The following SNX6 variants were observed in gnomAD, a reference collection of about 807,000 sequenced individuals.
The protein encoded by SNX6 is sorting nexin 6.
In SNX6, 34 loss-of-function variants were observed where a neutral mutation model predicts 63.0. The observed-to-expected ratio is 0.54, with a 90% CI of 0.41 to 0.72. The LOEUF is 0.72. Ranked by LOEUF, SNX6 falls within the 30% of genes least tolerant of loss-of-function variation. The pLI, the probability that SNX6 is intolerant of heterozygous loss-of-function variation, is 0.00. For missense variants in SNX6, 398 were observed against 471.4 expected (o/e 0.84, Z 1.44); for synonymous variants, 170 against 164.2 (o/e 1.04, Z -0.27).
Position 34,583,856 on chromosome 14 carries a change from T to TG in SNX6, c.795-2257_795-2256insC, listed in dbSNP as rs1882043673. ...TAACTCTTTGGGAAGGTGGCTTTTT[T>TG]TTTTTTTTAAGACGGAGTTTCTCTC... On this transcript the variant is annotated intron_variant, in intron 9 of 13. Coordinates refer to ENST00000362031, the MANE Select transcript of SNX6 (RefSeq NM_152233.4). Among the ~76,000 whole-genome samples, 3 of 151,418 alleles carry TG rather than the reference T, an allele frequency of 2.0e-5. No individual in the cohort carries two copies. In the South Asian group the frequency reaches 6.3e-4, roughly 32 times the overall value.
intron 2 of SNX6, among the ~76,000 whole-genome samples, chr14:34,616,549 G>A (rs1423158518): frequency 6.6e-6 from 1 of 151,928 alleles, no homozygotes; most frequent in Non-Finnish European, 1.5e-5. Flanking sequence ...TTTGAGATGG[G>A]ATCTCACCAT....
chr14:34,599,026 C>G (rs140536285), intron 6 of SNX6, among the ~76,000 whole-genome samples: 121 of 152,234 alleles, frequency 7.9e-4, no homozygotes, highest in African/African-American at 2.7e-3. Context: ...TGTGAGGACA[C>G]AACAAAAAGG....
chr14:34,626,598 G>C (rs1255250541), intron 2 of SNX6, among the ~76,000 whole-genome samples: 3 of 150,980 alleles, frequency 2.0e-5, no homozygotes, highest in Non-Finnish European at 4.4e-5. Flanking sequence ...GAACCCAGGA[G>C]GCAGAGCTTG....
intron 6 of SNX6, among the ~76,000 whole-genome samples, chr14:34,600,546 G>A (rs76536290): frequency 0.12 from 17,957 of 151,874 alleles, 1,996 homozygotes; most frequent in East Asian, 0.54. Context: ...CCAAAGTACT[G>A]GGATTAAAGG....
intron 10 of SNX6, 22 bp downstream of exon 10, chr14:34,581,539 A>C: frequency 1.5e-6 from 2 of 1,318,680 alleles, no homozygotes; most frequent in South Asian, 2.5e-5. Context: ...TATGCAGTAT[A>C]TCTCTATAAT....
In SNX6 at chr14:34,586,285, T is replaced by C; in HGVS notation, c.739A>G (p.Arg247Gly). The C allele has an allele frequency of 6.2e-7, 1 of 1,607,478 alleles. No individual in the cohort carries two copies. The highest frequency in any genetic ancestry group is 8.5e-7 in the Non-Finnish European group (1 of 1,174,284). ...AAAGCATATAATGAAGAACCAATTC[T>C]ATTGTAATCATCTGCAGCACCTATG... is the stretch of plus-strand genomic sequence containing the variant. Reference protein sequence around the residue: ...SHKSAADDYNRIGSSLYALGT... With the variant: ...SHKSAADDYNGIGSSLYALGT... Residue 247 changes from arginine (R) to glycine (G), a missense_variant, in exon 9 of 14, where the codon AGA becomes GGA. By Grantham distance (125) the Arg-to-Gly change is moderately radical (BLOSUM62 -2). Transcript: ENST00000362031.
intron 6 of SNX6, among the ~76,000 whole-genome samples, chr14:34,601,663 T>C (rs2138339597): frequency 6.6e-6 from 1 of 152,008 alleles, no homozygotes; most frequent in East Asian, 2.0e-4. Flanking sequence ...GGCACCATCT[T>C]GGCTCTCTGC....
chr14:34,574,119 C>T (rs1221550437), intron 11 of SNX6, among the ~76,000 whole-genome samples: 3 of 150,854 alleles, frequency 2.0e-5, no homozygotes, highest in Non-Finnish European at 3.0e-5. Flanking sequence ...GGGGGGATCA[C>T]GGGGTCAGGA....
chr14:34,574,777 C>A (rs531463477), intron 11 of SNX6, among the ~76,000 whole-genome samples: 1 of 151,698 alleles, frequency 6.6e-6, no homozygotes, highest in Non-Finnish European at 1.5e-5. Flanking sequence ...AGGCTGGTCT[C>A]GAACTCCCAA....
intron 10 of SNX6, among the ~76,000 whole-genome samples, chr14:34,580,723 G>A (rs907458167): frequency 6.7e-6 from 1 of 149,514 alleles, no homozygotes; most frequent in Admixed American, 6.7e-5. Flanking sequence ...GCAGATGCAC[G>A]GTCACAGCTC....
chr14:34,563,281 G>T (rs949348287), intron 13 of SNX6, 106 bp from the exon 14 acceptor site: 1 of 1,100,150 alleles, frequency 9.1e-7, no homozygotes, highest in Non-Finnish European at 1.3e-6. Flanking sequence ...GTTAGAAGCC[G>T]GGCGCGGTGG....
chr14:34,570,396 C>A (rs533291160), intron 11 of SNX6, among the ~76,000 whole-genome samples: 8 of 148,908 alleles, frequency 5.4e-5, no homozygotes, highest in Admixed American at 4.1e-4. Flanking sequence ...TAAATGAAGG[C>A]CACCTTGTGG....
At chr14:34,594,839 G>A (rs1468661699) in intron 7 of SNX6, among the ~76,000 whole-genome samples, 2 of 152,082 alleles carry the variant, frequency 1.3e-5, no homozygotes, top group Non-Finnish European at 2.9e-5. Flanking sequence ...GCTCACACCT[G>A]TAATCCCAGC....
intron 2 of SNX6, among the ~76,000 whole-genome samples, chr14:34,611,657 C>CT (rs1363919303): frequency 2.7e-5 from 4 of 147,686 alleles, no homozygotes; most frequent in Non-Finnish European, 4.4e-5. Flanking sequence ...TGGCGCACAC[C>CT]TGTAGTCCCA....
At chr14:34,567,356 A>G (rs1176341826) in intron 13 of SNX6, among the ~76,000 whole-genome samples, 1 of 152,076 alleles carries the variant, frequency 6.6e-6, no homozygotes, top group Non-Finnish European at 1.5e-5. Flanking sequence ...GTGTGGTGGC[A>G]CATACCTGTA....
At chr14:34,618,961 G>A (rs1594749443) in intron 2 of SNX6, among the ~76,000 whole-genome samples, 1 of 152,120 alleles carries the variant, frequency 6.6e-6, no homozygotes, top group East Asian at 1.9e-4. Context: ...GAAGACATGG[G>A]TTTTTGTCTG....
rs1276218309 is a variant in SNX6 at position 34,562,145 on chromosome 14, A to G, written c.*977T>C. The G allele has an allele frequency of 6.7e-6, 1 of 149,608 alleles. No homozygotes were observed. The highest frequency in any genetic ancestry group is 1.5e-5 in the Non-Finnish European group (1 of 67,564). 9.3% of individuals were successfully genotyped at this position (149,608 alleles called of 1,614,324 possible). ...TCTACATACCAATCTATCCACTCGC[A>G]TAACTACTAAGTGGCTCAATGGCCT... On this transcript the variant is annotated 3_prime_UTR_variant, in exon 14 of 14. Transcript: ENST00000362031.
At chr14:34,623,635 T>C (rs1385807073) in intron 2 of SNX6, among the ~76,000 whole-genome samples, 2 of 152,136 alleles carry the variant, frequency 1.3e-5, no homozygotes, top group African/African-American at 4.8e-5. Flanking sequence ...AAAGATGGGA[T>C]AAACAACATT....
At chr14:34,604,588 C>CCTTGTA (rs1024590059) in intron 5 of SNX6, among the ~76,000 whole-genome samples, 2 of 152,104 alleles carry the variant, frequency 1.3e-5, no homozygotes, top group Non-Finnish European at 2.9e-5. Context: ...AAAATTATTT[C>CCTTGTA]CTTGTACAAC....
Sources: gnomAD v4.1 joint callset for allele counts (sites outside exome capture counted in the v4.1 genomes callset) on GRCh38, gnomAD v4.1.1 for gene constraint, MANE v1.5 for transcripts, NCBI Gene and HGNC (gene_info 2026-07-23, HGNC 2026-07-21) for gene names.